FAM240B: variants seen among roughly 807,000 people sequenced by gnomAD.
FAM240B encodes family with sequence similarity 240 member B.
intron 1 of FAM240B, among the ~76,000 whole-genome samples, chr9:38,715,435 G>A (rs1227881741): frequency 6.6e-6 from 1 of 152,174 alleles, no homozygotes; most frequent in Admixed American, 6.5e-5. Flanking sequence ...ATATCCTTAT[G>A]TAGATTACTG....
chr9:38,705,767 T>G (rs2119005800), intron 1 of FAM240B, among the ~76,000 whole-genome samples: 1 of 152,338 alleles, frequency 6.6e-6, no homozygotes, highest in South Asian at 2.1e-4. Context: ...TGTGTAAGTG[T>G]CCTGAGGTAA....
intron 1 of FAM240B, among the ~76,000 whole-genome samples, chr9:38,709,668 G>A (rs1430223718): frequency 6.6e-6 from 1 of 152,192 alleles, no homozygotes; most frequent in Non-Finnish European, 1.5e-5. Context: ...TGGACCAGTA[G>A]GGTTTTATTG....
intron 1 of FAM240B, among the ~76,000 whole-genome samples, chr9:38,710,169 C>T (rs923995023): frequency 1.3e-5 from 2 of 152,150 alleles, no homozygotes; most frequent in African/African-American, 4.8e-5. Flanking sequence ...AGGGTTTCAC[C>T]ACTTTGACCA....
At chr9:38,719,731 A>T (rs956902506) in intron 1 of FAM240B, among the ~76,000 whole-genome samples, 2 of 152,306 alleles carry the variant, frequency 1.3e-5, no homozygotes, top group Admixed American at 6.5e-5. Flanking sequence ...ATCTCCAAAA[A>T]GCCTTGCTCT....
chr9:38,718,033 T>C (rs977880808), intron 1 of FAM240B, among the ~76,000 whole-genome samples: 2 of 152,374 alleles, frequency 1.3e-5, no homozygotes, highest in South Asian at 2.1e-4. Flanking sequence ...GTACAAAATA[T>C]TGTTTTTGCA....
intron 2 of FAM240B, among the ~76,000 whole-genome samples, chr9:38,696,592 C>A (rs891491788): frequency 6.6e-6 from 1 of 152,084 alleles, no homozygotes; most frequent in African/African-American, 2.4e-5. Flanking sequence ...GGCAGATCAC[C>A]AGGTCAGAAG....
intron 1 of FAM240B, among the ~76,000 whole-genome samples, chr9:38,709,962 T>A (rs1028541709): frequency 2.0e-5 from 3 of 152,190 alleles, no homozygotes; most frequent in Non-Finnish European, 2.9e-5. Flanking sequence ...AGCGTGTATG[T>A]GCTCTTGATG....
intron 2 of FAM240B, among the ~76,000 whole-genome samples, chr9:38,697,706 A>G (rs1003956814): frequency 6.6e-5 from 10 of 152,244 alleles, no homozygotes; most frequent in African/African-American, 9.6e-5. Flanking sequence ...ACATTTTACA[A>G]TGTATGCTCT....
chr9:38,713,409 G>C (rs951996297), intron 1 of FAM240B, among the ~76,000 whole-genome samples: 13 of 143,696 alleles, frequency 9.0e-5, no homozygotes, highest in African/African-American at 3.3e-4. Flanking sequence ...ACCTGGGAGG[G>C]AGAGCTTGCA....
chr9:38,719,132 A>C (rs1404428942), intron 1 of FAM240B, among the ~76,000 whole-genome samples: 1 of 152,008 alleles, frequency 6.6e-6, no homozygotes, highest in Non-Finnish European at 1.5e-5. Flanking sequence ...TTCACCTTCA[A>C]ATGAGGGTAT....
intron 1 of FAM240B, among the ~76,000 whole-genome samples, chr9:38,713,509 C>G (rs1289674663): frequency 9.8e-6 from 1 of 102,512 alleles, no homozygotes; most frequent in East Asian, 3.0e-4. Context: ...AAAAAAAGAA[C>G]TAGATTTCAT....
At chr9:38,701,410 G>A (rs1404471122) in intron 2 of FAM240B, among the ~76,000 whole-genome samples, 2 of 152,172 alleles carry the variant, frequency 1.3e-5, no homozygotes, top group Non-Finnish European at 2.9e-5. Flanking sequence ...GTGAAACTTG[G>A]TTCATGTGAG....
intron 2 of FAM240B, among the ~76,000 whole-genome samples, chr9:38,702,530 A>C (rs1466714120): frequency 2.0e-5 from 3 of 152,212 alleles, no homozygotes; most frequent in Non-Finnish European, 4.4e-5. Context: ...AGGGACAGAG[A>C]ACCCGGACAG....
Position 38,694,426 on chromosome 9 carries a change from C to T in FAM240B, c.*350G>A, listed in dbSNP as rs1821042437. 1 of 183,496 alleles carries T rather than the reference C, an allele frequency of 5.4e-6. No individual in the cohort carries two copies. Among genetic ancestry groups the T allele is most frequent in the South Asian group, 2.0e-4 (1 of 5,076 alleles). 11.4% of individuals were successfully genotyped at this position (183,496 alleles called of 1,614,324 possible). Reference sequence around the variant, plus strand: ...GCCCTCGGTAAGCTTAGAGAAAACACTTCAAATGTCTCAAGACTTGAAACA... The same window carrying T: ...GCCCTCGGTAAGCTTAGAGAAAACATTTCAAATGTCTCAAGACTTGAAACA... On this transcript the variant is annotated 3_prime_UTR_variant, in exon 3 of 3. Transcript: ENST00000637493.
chr9:38,707,604 TAAAAAAAACAAAA>T (rs377406622), intron 1 of FAM240B, among the ~76,000 whole-genome samples: 3,819 of 104,208 alleles, frequency 0.037, 160 homozygotes, highest in African/African-American at 0.12. Context: ...CCGTCTCTAC[TAAAAAAAACAAAA>T]AAAAAAAACA....
At chr9:38,714,134 T>A (rs1821285287) in intron 1 of FAM240B, among the ~76,000 whole-genome samples, 1 of 152,202 alleles carries the variant, frequency 6.6e-6, no homozygotes, top group African/African-American at 2.4e-5. Flanking sequence ...AACAACATGA[T>A]GTTAGTTACA....
At chr9:38,716,861 A>C (rs1821308951) in intron 1 of FAM240B, among the ~76,000 whole-genome samples, 1 of 152,206 alleles carries the variant, frequency 6.6e-6, no homozygotes, top group Non-Finnish European at 1.5e-5. Flanking sequence ...TTACTTTTAG[A>C]AATGGACTAC....
Position 38,712,372 on chromosome 9 carries a change from T to A in FAM240B, c.-4+7650A>T, listed in dbSNP as rs116180996. ...ATTGGTCTTAGAATTAAATGAGACA[T>A]TGGAGCATGAAAAGTACTTAACATA... On this transcript the variant is annotated intron_variant, in intron 1 of 2. Coordinates refer to ENST00000637493, the MANE Select transcript of FAM240B (RefSeq NM_001394922.1). Among the ~76,000 whole-genome samples, 1,095 of 152,322 alleles carry A rather than the reference T, an allele frequency of 7.2e-3. 18 individuals are homozygous for A. The highest frequency in any genetic ancestry group is 0.025 in the African/African-American group (1,051 of 41,560).
chr9:38,710,338 A>C (rs1333103599), intron 1 of FAM240B, among the ~76,000 whole-genome samples: 1 of 152,196 alleles, frequency 6.6e-6, no homozygotes, highest in Non-Finnish European at 1.5e-5. Context: ...TTTTCTTAGA[A>C]CCCAGATAAC....
Sources: gnomAD v4.1 joint callset for allele counts (sites outside exome capture counted in the v4.1 genomes callset) on GRCh38, gnomAD v4.1.1 for gene constraint, MANE v1.5 for transcripts, NCBI Gene and HGNC (gene_info 2026-07-23, HGNC 2026-07-21) for gene names.